Variants in GRID1 observed in about 807,000 individuals in gnomAD.
GRID1 encodes glutamate ionotropic receptor delta type subunit 1.
A neutral mutation model predicts 98.0 loss-of-function variants in GRID1; 28 were observed. That is an observed-to-expected ratio of 0.29 (90% CI 0.21 to 0.39). GRID1 has a LOEUF of 0.39. GRID1 is among the 10% of genes least tolerant of loss of function. GRID1 has a pLI of 1.00. For synonymous variants in GRID1, 553 were observed against 538.5 expected (o/e 1.03, Z -0.37); for missense variants, 1,111 against 1,340.5 (o/e 0.83, Z 2.67).
intron 4 of GRID1, among the ~76,000 whole-genome samples, chr10:86,028,410 G>A (rs1365525509): frequency 6.6e-6 from 1 of 152,188 alleles, no homozygotes; most frequent in Admixed American, 6.5e-5. Context: ...GGTATGGACC[G>A]ATTTACTGTC....
At position 86,365,174 on chromosome 10, in the gene GRID1, G is replaced by A. The variant is rs544231681; in HGVS notation, c.80-1078C>T. Among the ~76,000 whole-genome samples, 2 of 152,236 alleles carry A rather than the reference G, an allele frequency of 1.3e-5. No individual in the cohort carries two copies. Among genetic ancestry groups the A allele is most frequent in the East Asian group, 3.9e-4 (2 of 5,160 alleles). ...CCCCTCCAGGGCGGGAAGCAGGTTT[G>A]GTCACGGGCCCCTGAGGAGGAATCG... is the stretch of plus-strand genomic sequence containing the variant. On this transcript the variant is annotated intron_variant, in intron 1 of 15. Transcript: ENST00000327946. The surrounding 1 kb of genome is among the most constrained non-coding windows in gnomAD (Gnocchi z 4.8).
intron 2 of GRID1, among the ~76,000 whole-genome samples, chr10:86,326,043 A>G (rs1589450022): frequency 6.6e-6 from 1 of 152,378 alleles, no homozygotes; most frequent in African/African-American, 2.4e-5. Context: ...AAACTCAAGG[A>G]TATAAAATCA....
chr10:85,752,291 T>C (rs139414405), intron 8 of GRID1, among the ~76,000 whole-genome samples: 57 of 152,250 alleles, frequency 3.7e-4, no homozygotes, highest in African/African-American at 1.2e-3. Context: ...AAGGTAAAAT[T>C]TGAGACATGA....
intron 4 of GRID1, among the ~76,000 whole-genome samples, chr10:86,034,959 T>A (rs1843238358): frequency 6.6e-6 from 1 of 151,644 alleles, no homozygotes; most frequent in South Asian, 2.1e-4. Flanking sequence ...GATGGATAGA[T>A]GGTTGGATGG....
chr10:86,063,977 G>A (rs1459016337), intron 4 of GRID1, among the ~76,000 whole-genome samples: 1 of 152,142 alleles, frequency 6.6e-6, no homozygotes, highest in Non-Finnish European at 1.5e-5. Flanking sequence ...TTAAAAAAGA[G>A]TGTGTCAACC....
At chr10:86,172,865 A>T (rs930886737) in intron 3 of GRID1, among the ~76,000 whole-genome samples, 3 of 152,196 alleles carry the variant, frequency 2.0e-5, no homozygotes, top group African/African-American at 7.2e-5. Flanking sequence ...TTATAAAAAA[A>T]TTTCAAACAT....
At chr10:85,657,932 G>T (rs1329683892) in intron 12 of GRID1, among the ~76,000 whole-genome samples, 1 of 152,182 alleles carries the variant, frequency 6.6e-6, no homozygotes, top group African/African-American at 2.4e-5. Context: ...GGACCTGCAT[G>T]CCAAGAACAT....
At chr10:86,019,811 C>T (rs1316199393) in intron 4 of GRID1, among the ~76,000 whole-genome samples, 1 of 152,326 alleles carries the variant, frequency 6.6e-6, no homozygotes, top group East Asian at 1.9e-4. Flanking sequence ...GCCAAGGCCA[C>T]GAGGCATCCT....
At chr10:85,738,038 A>G (rs915121970) in intron 8 of GRID1, among the ~76,000 whole-genome samples, 5 of 152,064 alleles carry the variant, frequency 3.3e-5, no homozygotes, top group African/African-American at 1.2e-4. Context: ...CCTAGACTCA[A>G]GGGAGGCCAC....
At chr10:85,659,892 T>C (rs1243046077) in intron 12 of GRID1, among the ~76,000 whole-genome samples, 1 of 152,226 alleles carries the variant, frequency 6.6e-6, no homozygotes, top group Non-Finnish European at 1.5e-5. Context: ...TTTTTGAAGC[T>C]GGTCCATGCC....
rs148262326 is a variant in GRID1 at position 86,069,696 on chromosome 10, C to T, written c.726+69123G>A. 3.2e-3 allele frequency among the ~76,000 whole-genome samples: 485 copies of T among 152,254 alleles called. 6 individuals carry two copies. The highest frequency in any genetic ancestry group is 3.4e-3 in the Middle Eastern group (1 of 294). ...GTGCCTCCTTCCCCGACATCCTGAACGGCCAAGAAGCTTCATCAGTAAGAC... is the reference window on the plus strand; with the variant it reads ...GTGCCTCCTTCCCCGACATCCTGAATGGCCAAGAAGCTTCATCAGTAAGAC... On this transcript the variant is annotated intron_variant, in intron 4 of 15. Coordinates refer to ENST00000327946, the MANE Select transcript of GRID1 (RefSeq NM_017551.3).
chr10:86,037,301 C>A (rs1843278926), intron 4 of GRID1, among the ~76,000 whole-genome samples: 1 of 152,106 alleles, frequency 6.6e-6, no homozygotes, highest in African/African-American at 2.4e-5. Context: ...AACATCCGGG[C>A]CTCAAAAAGC....
chr10:86,203,755 G>A (rs1845987777), intron 3 of GRID1, among the ~76,000 whole-genome samples: 1 of 151,860 alleles, frequency 6.6e-6, no homozygotes, highest in Non-Finnish European at 1.5e-5. Flanking sequence ...CCCCAGCTCT[G>A]GGGTTCTCCG....
chr10:85,713,040 C>T (rs1438119350), intron 12 of GRID1, among the ~76,000 whole-genome samples: 1 of 151,342 alleles, frequency 6.6e-6, no homozygotes, highest in Non-Finnish European at 1.5e-5. Flanking sequence ...CCAAAGTTAG[C>T]AGAAAGAGGA....
chr10:85,663,059 C>A (rs529019728), intron 12 of GRID1, among the ~76,000 whole-genome samples: 7 of 152,170 alleles, frequency 4.6e-5, no homozygotes, highest in Non-Finnish European at 8.8e-5. Flanking sequence ...CATTCCACAT[C>A]TTGGGGAACA....
Position 85,599,802 on chromosome 10 carries a change from A to AAAAAAAATATAT in GRID1, c.*2470_*2471insATATATTTTTTT. On this transcript the variant is annotated 3_prime_UTR_variant, in exon 16 of 16. Transcript: ENST00000327946. Reference sequence around the variant, plus strand: ...GTAGAAAATTCTAAAAAAAAAAAAAAATATATATATATATATATAAACATG... The same window carrying AAAAAAAATATAT: ...GTAGAAAATTCTAAAAAAAAAAAAAAAAAAAAATATATATATATATATATATATATAAACATG... 1 of 64,982 alleles carries AAAAAAAATATAT rather than the reference A, an allele frequency of 1.5e-5. No individual in the cohort carries two copies. Among genetic ancestry groups the AAAAAAAATATAT allele is most frequent in the Non-Finnish European group, 2.6e-5 (1 of 38,788 alleles). 4.0% of individuals were successfully genotyped at this position (64,982 alleles called of 1,614,324 possible).
chr10:85,719,343 T>G (rs1168623579), intron 12 of GRID1, among the ~76,000 whole-genome samples: 3 of 152,238 alleles, frequency 2.0e-5, no homozygotes, highest in African/African-American at 7.2e-5. Flanking sequence ...TTGGGTATCT[T>G]TTCAGCAATG....
intron 4 of GRID1, among the ~76,000 whole-genome samples, chr10:85,940,087 AAGAG>A (rs1264419943): frequency 6.6e-5 from 9 of 137,346 alleles, no homozygotes; most frequent in Admixed American, 2.2e-4. Context: ...AAAAAAAAAA[AAGAG>A]AGAGAGAGAG....
chr10:85,961,834 C>T (rs1842271616), intron 4 of GRID1, among the ~76,000 whole-genome samples: 1 of 151,556 alleles, frequency 6.6e-6, no homozygotes, highest in Non-Finnish European at 1.5e-5. Context: ...TCTTTCCTGC[C>T]TTCCTTCCTA....
Sources: gnomAD v4.1 joint callset for allele counts (sites outside exome capture counted in the v4.1 genomes callset) on GRCh38, gnomAD v4.1.1 for gene constraint, Gnocchi (gnomAD v3.1) non-coding constraint, MANE v1.5 for transcripts, NCBI Gene and HGNC (gene_info 2026-07-23, HGNC 2026-07-21) for gene names.